Variants in CPEB1 observed in about 807,000 individuals in gnomAD.
CPEB1 encodes cytoplasmic polyadenylation element-binding protein 1.
Under a neutral mutation model 65.8 loss-of-function variants are expected in CPEB1, and 7 were observed. The observed-to-expected ratio is 0.11, with a 90% CI of 0.06 to 0.20. The LOEUF (loss-of-function observed/expected upper bound fraction) is 0.20. Among genes scored for constraint, CPEB1 ranks in the 10% least tolerant of loss-of-function variants. The pLI, the probability that CPEB1 is intolerant of heterozygous loss-of-function variation, is 1.00. For missense variants in CPEB1, 551 were observed against 712.2 expected (o/e 0.77, Z 2.58); for synonymous variants, 262 against 260.0 (o/e 1.01, Z -0.08).
intron 1 of CPEB1, chr15:82,629,187 C>A: frequency 1.2e-6 from 1 of 833,028 alleles, no homozygotes; most frequent in Non-Finnish European, 1.4e-6. Flanking sequence ...ACCTCTATCC[C>A]TCAGTTTCCC....
upstream of CPEB1, chr15:82,647,440 CA>C (rs2047669170): frequency 6.1e-6 from 1 of 162,722 alleles, no homozygotes; most frequent in Non-Finnish European, 1.3e-5. Flanking sequence ...AAGAGACCCG[CA>C]GGGGGCGTGA....
intron 1 of CPEB1, among the ~76,000 whole-genome samples, chr15:82,641,451 C>A (rs1232300816): frequency 6.6e-6 from 1 of 152,170 alleles, no homozygotes; most frequent in African/African-American, 2.4e-5. Context: ...AGAGCTACTC[C>A]CACACTTTTA....
chr15:82,606,593 C>A (rs1333251347), intron 3 of CPEB1, among the ~76,000 whole-genome samples: 1 of 46,096 alleles, frequency 2.2e-5, no homozygotes, highest in Non-Finnish European at 4.3e-5. Flanking sequence ...CCGAGGCGGG[C>A]GGATCACGAG....
chr15:82,585,632 C>T (rs1335495093), intron 3 of CPEB1, among the ~76,000 whole-genome samples: 1 of 152,190 alleles, frequency 6.6e-6, no homozygotes, highest in Non-Finnish European at 1.5e-5. Context: ...GCACTCATCT[C>T]ATTCAAAACC....
chr15:82,639,961 T>C (rs2046974419), intron 1 of CPEB1, among the ~76,000 whole-genome samples: 1 of 152,122 alleles, frequency 6.6e-6, no homozygotes, highest in South Asian at 2.1e-4. Flanking sequence ...CCTGTTTAAC[T>C]CTCCCGGGAA....
intron 3 of CPEB1, among the ~76,000 whole-genome samples, chr15:82,591,318 G>T (rs2151148219): frequency 6.6e-6 from 1 of 152,336 alleles, no homozygotes; most frequent in Non-Finnish European, 1.5e-5. Context: ...CTTGAGTGCA[G>T]TGGCACAATC....
At chr15:82,609,424 C>G (rs1257229824) in intron 3 of CPEB1, among the ~76,000 whole-genome samples, 1 of 151,716 alleles carries the variant, frequency 6.6e-6, no homozygotes, top group East Asian at 1.9e-4. Flanking sequence ...TTGTTTGAGC[C>G]TGGGAGGTCG....
At chr15:82,633,661 C>G (rs937295966) in intron 1 of CPEB1, among the ~76,000 whole-genome samples, 10 of 152,228 alleles carry the variant, frequency 6.6e-5, no homozygotes, top group African/African-American at 2.2e-4. Flanking sequence ...GCATGAGCCA[C>G]AGTGCCTGGC....
At chr15:82,610,715 T>C (rs890058670) in intron 3 of CPEB1, among the ~76,000 whole-genome samples, 2 of 151,910 alleles carry the variant, frequency 1.3e-5, no homozygotes, top group Admixed American at 1.3e-4. Context: ...CCCAGCACTT[T>C]GGGAGGCCAA....
Position 82,590,209 on chromosome 15 carries a change from CAAAAAAAAA to C in CPEB1, c.272-18686_272-18678del, listed in dbSNP as rs5814120. On this transcript the variant is annotated intron_variant, in intron 3 of 12. Transcript: ENST00000684509. ...CCTATGTGTCCCCTCATCCCTTTGA[CAAAAAAAAA>C]AAAAAAAAAAAAAAAAAAAAAACAG... is the stretch of plus-strand genomic sequence containing the variant. Among the ~76,000 whole-genome samples, 942 of 104,182 alleles carry C rather than the reference CAAAAAAAAA, an allele frequency of 9.0e-3. 20 individuals carry two copies. Among genetic ancestry groups the C allele is most frequent in the Middle Eastern group, 0.042 (8 of 192 alleles). 68.3% of individuals were successfully genotyped at this position (104,182 alleles called of 152,430 possible). A position where few individuals can be genotyped will look rare whatever the true frequency, so the allele number is the denominator to read the frequency against.
intron 3 of CPEB1, among the ~76,000 whole-genome samples, chr15:82,602,945 A>T (rs1284720327): frequency 6.6e-6 from 1 of 152,206 alleles, no homozygotes; most frequent in Non-Finnish European, 1.5e-5. Context: ...CTACATAAAA[A>T]CCAATGAGAA....
chr15:82,612,723 A>C (rs1460176944), intron 3 of CPEB1, among the ~76,000 whole-genome samples: 1 of 151,822 alleles, frequency 6.6e-6, no homozygotes, highest in African/African-American at 2.4e-5. Flanking sequence ...AATCCCAGCT[A>C]CTCAGGAGGC....
At chr15:82,593,033 C>A (rs2042388309) in intron 3 of CPEB1, among the ~76,000 whole-genome samples, 1 of 152,104 alleles carries the variant, frequency 6.6e-6, no homozygotes, top group Admixed American at 6.6e-5. Context: ...TTATCAGAGA[C>A]TTCAGTGAGT....
chr15:82,582,383 A>T (rs934049178), intron 3 of CPEB1, among the ~76,000 whole-genome samples: 10 of 152,230 alleles, frequency 6.6e-5, no homozygotes, highest in African/African-American at 2.4e-4. Context: ...TCCTGGCACC[A>T]GCTAAGAAAG....
chr15:82,587,881 A>T (rs1202162534), intron 3 of CPEB1, among the ~76,000 whole-genome samples: 2 of 152,124 alleles, frequency 1.3e-5, no homozygotes, highest in Non-Finnish European at 2.9e-5. Context: ...AGTACTTCTA[A>T]GATTCTACTA....
intron 3 of CPEB1, among the ~76,000 whole-genome samples, chr15:82,576,131 T>C (rs1184896310): frequency 6.6e-6 from 1 of 152,146 alleles, no homozygotes; most frequent in Non-Finnish European, 1.5e-5. Flanking sequence ...ATACTATTAT[T>C]CAGCAATAAA....
At chr15:82,553,720 T>C (rs988258628) in intron 7 of CPEB1, among the ~76,000 whole-genome samples, 158 bp downstream of exon 7, 7 of 152,078 alleles carry the variant, frequency 4.6e-5, no homozygotes, top group African/African-American at 7.2e-5. Flanking sequence ...TAAGGAGCAC[T>C]ATGGGGGTCT....
intron 3 of CPEB1, among the ~76,000 whole-genome samples, chr15:82,606,419 G>A (rs935788121): frequency 1.3e-5 from 2 of 148,824 alleles, no homozygotes; most frequent in Non-Finnish European, 3.0e-5. Flanking sequence ...ACAGTGACCC[G>A]AGATGGCACC....
chr15:82,583,893 T>C (rs934190413), intron 3 of CPEB1, among the ~76,000 whole-genome samples: 1 of 152,222 alleles, frequency 6.6e-6, no homozygotes, highest in Admixed American at 6.5e-5. Flanking sequence ...TCAATATGAA[T>C]TGTCTGATCA....
Sources: allele counts gnomAD v4.1 joint callset (sites outside exome capture counted in the v4.1 genomes callset), GRCh38; gene constraint gnomAD v4.1.1; transcripts MANE v1.5; gene names NCBI Gene and HGNC (gene_info 2026-07-23, HGNC 2026-07-21).